Variants in R3HDM1 observed in about 807,000 individuals in gnomAD.
R3HDM1 encodes R3H domain-containing protein 1.
A neutral mutation model predicts 141.1 loss-of-function variants in R3HDM1; 46 were observed. That is an observed-to-expected ratio of 0.33 (90% CI 0.26 to 0.42). The LOEUF is 0.42. R3HDM1 is among the 10% of genes least tolerant of loss of function. R3HDM1 has a pLI of 1.00. For missense variants in R3HDM1, 1,184 were observed against 1,368.3 expected (o/e 0.87, Z 2.12); for synonymous variants, 435 against 472.9 (o/e 0.92, Z 1.04).
In R3HDM1 at chr2:135,659,632, C is replaced by G. The variant is rs189259475; in HGVS notation, c.2029-1638C>G. ...TTTTAATTTTCAGTAGTGATAGGGT[C>G]TCACTATGTGGCCCAGTCAGATCTC... On this transcript the variant is annotated intron_variant, in intron 18 of 26. Transcript: ENST00000683871. Among the ~76,000 whole-genome samples the G allele has an allele frequency of 5.1e-3, 778 of 152,138 alleles. 22 individuals carry two copies. The highest frequency in any genetic ancestry group is 0.042 in the Admixed American group (643 of 15,274).
At chr2:135,672,829 G>A (rs1319074021) in intron 19 of R3HDM1, among the ~76,000 whole-genome samples, 3 of 152,180 alleles carry the variant, frequency 2.0e-5, no homozygotes, top group Admixed American at 1.3e-4. Flanking sequence ...TACCAGGCCA[G>A]CCACGGTAGC....
intron 3 of R3HDM1, among the ~76,000 whole-genome samples, chr2:135,613,747 C>T (rs1454013138): frequency 2.6e-5 from 4 of 152,084 alleles, no homozygotes; most frequent in Admixed American, 6.5e-5. Context: ...ACCTGGGAGG[C>T]GGAAGTTGCA....
intron 19 of R3HDM1, among the ~76,000 whole-genome samples, chr2:135,673,053 G>C (rs1056723453): frequency 2.6e-5 from 4 of 152,186 alleles, no homozygotes; most frequent in African/African-American, 9.6e-5. Flanking sequence ...GTTGCAGTGA[G>C]CCAAGATTGC....
chr2:135,723,883 A>G (rs2076950196), intron 26 of R3HDM1, 54 bp from the exon 27 acceptor site: 1 of 1,447,418 alleles, frequency 6.9e-7, no homozygotes, highest in Admixed American at 2.0e-5. Context: ...GTGCTTTTTT[A>G]CCCAACTTTT....
intron 3 of R3HDM1, among the ~76,000 whole-genome samples, chr2:135,611,708 A>G (rs2060566224): frequency 6.6e-6 from 1 of 152,012 alleles, no homozygotes; most frequent in South Asian, 2.1e-4. Context: ...CTTATGATAC[A>G]TTTTCCATAG....
intron 4 of R3HDM1, 64 bp downstream of exon 4, chr2:135,616,257 G>A: frequency 4.8e-6 from 7 of 1,458,188 alleles, no homozygotes; most frequent in Non-Finnish European, 6.7e-6. Context: ...ATGAATCCTT[G>A]TTTTCATATA....
intron 18 of R3HDM1, among the ~76,000 whole-genome samples, chr2:135,657,856 A>G (rs2066123361): frequency 6.6e-6 from 1 of 152,236 alleles, no homozygotes; most frequent in Non-Finnish European, 1.5e-5. Context: ...TCTTGATGGC[A>G]TTTTAATTTG....
chr2:135,600,664 A>G (rs1029717836), intron 1 of R3HDM1, among the ~76,000 whole-genome samples: 2 of 152,186 alleles, frequency 1.3e-5, no homozygotes, highest in South Asian at 2.1e-4. Context: ...TGCCATTTCT[A>G]TATGCCATTG....
At chr2:135,701,504 G>A (rs2074205083) in intron 21 of R3HDM1, among the ~76,000 whole-genome samples, 1 of 152,142 alleles carries the variant, frequency 6.6e-6, no homozygotes, top group Non-Finnish European at 1.5e-5. Flanking sequence ...GATGAAGTGA[G>A]GTGAGGTGAA....
At chr2:135,713,179 G>A (rs1399586901) in intron 23 of R3HDM1, among the ~76,000 whole-genome samples, 2 of 152,134 alleles carry the variant, frequency 1.3e-5, no homozygotes, top group African/African-American at 4.8e-5. Context: ...TCCAGCCTAG[G>A]TAACAGAGTG....
Position 135,674,892 on chromosome 2 carries a change from G to C in R3HDM1, c.2153-440G>C, listed in dbSNP as rs201190736. Among the ~76,000 whole-genome samples, 3 of 149,242 alleles carry C rather than the reference G, an allele frequency of 2.0e-5. No individual in the cohort carries two copies. The East Asian group carries it at 5.9e-4, about 29-fold the overall frequency. On this transcript the variant is annotated intron_variant, in intron 19 of 26. Coordinates refer to ENST00000683871, the MANE Select transcript of R3HDM1 (RefSeq NM_001378107.1). ...TGCAGATGCATAGAGCCCCATGCTT[G>C]TGTTAATATTCTGTTGTTACCAACT...
In R3HDM1 at chr2:135,621,538, G is replaced by C. The variant is rs1406164294; in HGVS notation, c.348G>C (p.Glu116Asp). The C allele has an allele frequency of 1.2e-6, 2 of 1,600,028 alleles. No homozygotes were observed. The highest frequency in any genetic ancestry group is 1.7e-6 in the Non-Finnish European group (2 of 1,173,458). Residue 116 changes from glutamate to aspartate, a missense_variant, in exon 6 of 27, where the codon GAG (glutamate) becomes GAC (aspartate). Physicochemically the swap from Glu to Asp is conservative, Grantham distance 45. Around this residue, in one of 5 missense-constraint regions of R3HDM1, gnomAD observed 192 missense variants for 215.7 expected, o/e 0.89. Coordinates refer to ENST00000683871, the MANE Select transcript of R3HDM1 (RefSeq NM_001378107.1). ...TAACACAATCATTTGAGAAAGAAGA[G>C]AAGCCCTCAAAAGATGAAGCAGAAA... ...IQLTQSFEKE[E>D]KPSKDEAEKE...
intron 21 of R3HDM1, among the ~76,000 whole-genome samples, chr2:135,684,378 C>T (rs532316291): frequency 3.3e-5 from 5 of 152,128 alleles, no homozygotes; most frequent in East Asian, 1.9e-4. Flanking sequence ...CGTGAGCCAC[C>T]GCTCCCAGCC....
chr2:135,637,379 G>A (rs1181982620), intron 11 of R3HDM1, among the ~76,000 whole-genome samples: 1 of 152,100 alleles, frequency 6.6e-6, no homozygotes, highest in Admixed American at 6.6e-5. Flanking sequence ...AGGAGGCCAG[G>A]CACAGTGACT....
chr2:135,674,329 C>T (rs1331259501), intron 19 of R3HDM1, among the ~76,000 whole-genome samples: 14 of 152,156 alleles, frequency 9.2e-5, no homozygotes, highest in Non-Finnish European at 2.1e-4. Context: ...ATCAGGGAAA[C>T]AATTTCATTG....
intron 19 of R3HDM1, among the ~76,000 whole-genome samples, chr2:135,674,587 G>C (rs942658917): frequency 6.6e-6 from 1 of 152,154 alleles, no homozygotes; most frequent in Non-Finnish European, 1.5e-5. Flanking sequence ...GTAGATTCTT[G>C]TTAAGTAAAT....
chr2:135,722,103 C>A, intron 25 of R3HDM1, 97 bp downstream of exon 25: 2 of 1,163,304 alleles, frequency 1.7e-6, no homozygotes, highest in Non-Finnish European at 2.5e-6. Flanking sequence ...TGGCACTGCC[C>A]AAGAAGAGCT....
intron 1 of R3HDM1, chr2:135,561,419 A>T (rs1345806276): frequency 3.5e-6 from 3 of 856,282 alleles, no homozygotes; most frequent in Admixed American, 6.2e-5. Flanking sequence ...ATGACATTTT[A>T]AAAAATGTTA....
At position 135,676,194 on chromosome 2, in the gene R3HDM1, C is replaced by T. The variant is rs144517637; in HGVS notation, c.2307+708C>T. Among the ~76,000 whole-genome samples, 24 of 152,090 alleles carry T rather than the reference C, an allele frequency of 1.6e-4. 3 individuals are homozygous for T. Among genetic ancestry groups the T allele is most frequent in the African/African-American group, 5.5e-4 (23 of 41,494 alleles). On this transcript the variant is annotated intron_variant, in intron 20 of 26. Transcript: ENST00000683871. ...CACAAAAAATAGCTAGGCAAGGTGG[C>T]GGGGCCTATAATTCCAGCTACTCGG...
Sources: allele counts gnomAD v4.1 joint callset (sites outside exome capture counted in the v4.1 genomes callset), GRCh38; gene constraint gnomAD v4.1.1; regional missense constraint gnomAD v4.1.1; transcripts MANE v1.5; gene names NCBI Gene and HGNC (gene_info 2026-07-23, HGNC 2026-07-21).